DOK6: variants seen among roughly 807,000 people sequenced by gnomAD.
The protein encoded by DOK6 is downstream of tyrosine kinase 6.
In DOK6, 22 loss-of-function variants were observed where a neutral mutation model predicts 44.0. The observed-to-expected ratio is 0.50, with a 90% CI of 0.36 to 0.71. The LOEUF (loss-of-function observed/expected upper bound fraction) is 0.71, where lower values mean the gene tolerates loss of function less well. Among genes scored for constraint, DOK6 ranks in the 30% least tolerant of loss-of-function variants. The pLI, the probability that DOK6 is intolerant of heterozygous loss-of-function variation, is 0.00. For synonymous variants in DOK6, 166 were observed against 145.5 expected (o/e 1.14, Z -1.01); for missense variants, 340 against 416.4 (o/e 0.82, Z 1.60).
chr18:69,505,787 A>C lies in DOK6; in HGVS notation c.67-58700A>C, dbSNP rs533534564. On this transcript the variant is annotated intron_variant, in intron 1 of 7. Transcript: ENST00000382713. Reference sequence around the variant, plus strand: ...GCTGGGATTACAGGCGTGAGCCACCATGCCGGGCCCACACTCCCATTCTTT... The same window carrying C: ...GCTGGGATTACAGGCGTGAGCCACCCTGCCGGGCCCACACTCCCATTCTTT... 2.0e-5 allele frequency among the ~76,000 whole-genome samples: 3 copies of C among 151,028 alleles called. No individual in the cohort carries two copies. The East Asian group carries it at 6.0e-4, about 30-fold the overall frequency.
chr18:69,566,129 T>C (rs1982972847), intron 2 of DOK6, among the ~76,000 whole-genome samples: 1 of 151,642 alleles, frequency 6.6e-6, no homozygotes, highest in South Asian at 2.1e-4. Context: ...ATTTATTTAT[T>C]TATTTATTTA....
At chr18:69,600,351 G>A (rs1019705711) in intron 3 of DOK6, among the ~76,000 whole-genome samples, 1 of 152,006 alleles carries the variant, frequency 6.6e-6, no homozygotes, top group Non-Finnish European at 1.5e-5. Flanking sequence ...ACCTCTCACC[G>A]ACCTTATCTT....
At chr18:69,617,679 AAAAG>A (rs368851545) in intron 3 of DOK6, among the ~76,000 whole-genome samples, 1,901 of 71,596 alleles carry the variant, frequency 0.027, 20 homozygotes, top group Non-Finnish European at 0.049. Context: ...GAAAAGAAGA[AAAAG>A]AAAGAAAGAA....
chr18:69,834,515 C>T (rs1981988795), intron 7 of DOK6, among the ~76,000 whole-genome samples: 1 of 152,044 alleles, frequency 6.6e-6, no homozygotes, highest in African/African-American at 2.4e-5. Context: ...TTCAAATTAG[C>T]TAGTAAAGAA....
At chr18:69,538,974 G>A (rs1206623695) in intron 1 of DOK6, among the ~76,000 whole-genome samples, 1 of 152,132 alleles carries the variant, frequency 6.6e-6, no homozygotes, top group African/African-American at 2.4e-5. Flanking sequence ...CTTTCACACA[G>A]AGCAGATGTG....
At chr18:69,472,985 C>T (rs1309257185) in intron 1 of DOK6, among the ~76,000 whole-genome samples, 1 of 152,166 alleles carries the variant, frequency 6.6e-6, no homozygotes, top group Non-Finnish European at 1.5e-5. Flanking sequence ...GCATTAGCTT[C>T]CCTTGTTTCA....
In DOK6 at chr18:69,545,207, C is replaced by A. The variant is rs1224956207; in HGVS notation, c.67-19280C>A. 1.3e-5 allele frequency among the ~76,000 whole-genome samples: 2 copies of A among 150,948 alleles called. 1 individual carries two copies. The highest frequency in any genetic ancestry group is 3.0e-5 in the Non-Finnish European group (2 of 67,576). On this transcript the variant is annotated intron_variant, in intron 1 of 7. Coordinates refer to ENST00000382713, the MANE Select transcript of DOK6 (RefSeq NM_152721.6). ...AAACAAAGGACTATTTATTCCGCAT[C>A]ATTTCAGTTTTGAGCTCTCTGAAAG...
At chr18:69,790,138 G>A (rs1161376579) in intron 7 of DOK6, among the ~76,000 whole-genome samples, 1 of 152,008 alleles carries the variant, frequency 6.6e-6, no homozygotes, top group African/African-American at 2.4e-5. Flanking sequence ...AATCCATCAG[G>A]AGAAGCACCA....
chr18:69,761,877 C>T (rs549898180), intron 7 of DOK6, among the ~76,000 whole-genome samples: 148 of 152,178 alleles, frequency 9.7e-4, no homozygotes, highest in African/African-American at 3.3e-3. Context: ...TTACCGGCAG[C>T]GAATCCATAT....
intron 7 of DOK6, among the ~76,000 whole-genome samples, chr18:69,797,493 A>T (rs1283347059): frequency 2.0e-5 from 3 of 152,178 alleles, no homozygotes; most frequent in African/African-American, 7.2e-5. Context: ...ACACAGGAAA[A>T]ATAATAGCCC....
intron 1 of DOK6, among the ~76,000 whole-genome samples, chr18:69,415,661 C>A (rs753049307): frequency 6.6e-6 from 1 of 151,966 alleles, no homozygotes; most frequent in Non-Finnish European, 1.5e-5. Context: ...TTACTTTTTG[C>A]AAACATCTGT....
chr18:69,715,838 A>G (rs530030994), intron 5 of DOK6, among the ~76,000 whole-genome samples: 22 of 152,256 alleles, frequency 1.4e-4, no homozygotes, highest in African/African-American at 5.1e-4. Flanking sequence ...TGGTTCACTT[A>G]GCGATTTTTG....
intron 3 of DOK6, among the ~76,000 whole-genome samples, chr18:69,611,831 T>C (rs11151516): frequency 0.86 from 130,373 of 152,124 alleles, 56,735 homozygotes; most frequent in Non-Finnish European, 0.95. Context: ...GGCTGGAACC[T>C]TGGGGACAGG....
intron 3 of DOK6, among the ~76,000 whole-genome samples, chr18:69,633,342 T>C (rs1462031340): frequency 6.6e-6 from 1 of 152,180 alleles, no homozygotes; most frequent in Non-Finnish European, 1.5e-5. Context: ...CTCATACATC[T>C]CATTAGTGAC....
intron 4 of DOK6, among the ~76,000 whole-genome samples, chr18:69,695,335 T>C (rs947510659): frequency 2.0e-5 from 3 of 152,168 alleles, no homozygotes; most frequent in Non-Finnish European, 4.4e-5. Flanking sequence ...TTTAGCACAC[T>C]GAAGTCTGAA....
rs189632731 is a variant in DOK6, at chr18:69,694,953, C to T, written c.410-3451C>T. Among the ~76,000 whole-genome samples, 9 of 152,224 alleles carry T rather than the reference C, an allele frequency of 5.9e-5. No homozygotes were observed. The East Asian group carries it at 1.7e-3, about 29-fold the overall frequency. On this transcript the variant is annotated intron_variant, in intron 4 of 7. Transcript: ENST00000382713. ...TATGCTCCTGTCTCTTGTTTTGTTC[C>T]AATTAGCCTAAGAACTCTTTCTTAC... is the stretch of plus-strand genomic sequence containing the variant.
intron 3 of DOK6, among the ~76,000 whole-genome samples, chr18:69,610,702 T>C (rs769143787): frequency 3.3e-5 from 5 of 152,046 alleles, no homozygotes; most frequent in Non-Finnish European, 7.4e-5. Flanking sequence ...AATACACCAA[T>C]AAAAAACAAT....
At chr18:69,784,243 C>T (rs748845840) in intron 7 of DOK6, among the ~76,000 whole-genome samples, 15 of 152,062 alleles carry the variant, frequency 9.9e-5, no homozygotes, top group East Asian at 1.9e-4. Flanking sequence ...ACCATCATAA[C>T]GGATTACAAG....
chr18:69,793,164 A>G (rs1207543774), intron 7 of DOK6, among the ~76,000 whole-genome samples: 1 of 152,210 alleles, frequency 6.6e-6, no homozygotes, highest in African/African-American at 2.4e-5. Flanking sequence ...TGAGACCAGT[A>G]ACTCAATAGA....
Sources: gnomAD v4.1 joint callset for allele counts (sites outside exome capture counted in the v4.1 genomes callset) on GRCh38, gnomAD v4.1.1 for gene constraint, MANE v1.5 for transcripts, NCBI Gene and HGNC (gene_info 2026-07-23, HGNC 2026-07-21) for gene names.